The following NXPE4 variants were observed in gnomAD, a reference collection of about 807,000 sequenced individuals.
NXPE4 encodes NXPE family member 4.
NXPE4 carries 42 observed loss-of-function variants against 33.3 expected under a neutral mutation model. The ratio of observed to expected loss-of-function variants is 1.26; its 90% CI spans 0.98 to 1.63. The LOEUF is 1.63. Ranked by LOEUF, NXPE4 falls within the 40% of genes most tolerant of loss-of-function variation. The pLI is 0.00. For synonymous variants in NXPE4, 253 were observed against 234.9 expected (o/e 1.08, Z -0.71); for missense variants, 709 against 647.6 (o/e 1.09, Z -1.03).
the NXPE4 span, among the ~76,000 whole-genome samples, chr11:114,613,388 T>G: frequency 1.3e-5 from 2 of 151,680 alleles, no homozygotes; most frequent in Non-Finnish European, 2.9e-5. Context: ...AAATAAGTGT[T>G]GCCTCGTGGG....
At chr11:114,622,970 T>C in the NXPE4 span, among the ~76,000 whole-genome samples, 1 of 152,058 alleles carries the variant, frequency 6.6e-6, no homozygotes, top group Non-Finnish European at 1.5e-5. Context: ...GTAATATGTA[T>C]TGCCTCGTAG....
In NXPE4 at chr11:114,570,737, T is replaced by G. The variant is rs973448860; in HGVS notation, c.*201A>C. 17 of 476,224 alleles carry G rather than the reference T, an allele frequency of 3.6e-5. No homozygotes were observed. Among genetic ancestry groups the G allele is most frequent in the Non-Finnish European group, 5.1e-5 (14 of 272,256 alleles). The allele number at this position is 476,224 out of a possible 1,614,324, so 29.5% of individuals were successfully genotyped here. On this transcript the variant is annotated 3_prime_UTR_variant, in exon 6 of 6. Transcript: ENST00000375478. ...AAGAAGGGTAGGCTCTTTTCATGAG[T>G]ATTTTTAGTTTTATTTTTAAGTGGA... is the stretch of plus-strand genomic sequence containing the variant.
At chr11:114,662,155 T>G in the NXPE4 span, among the ~76,000 whole-genome samples, 3 of 152,148 alleles carry the variant, frequency 2.0e-5, no homozygotes, top group Non-Finnish European at 4.4e-5. Flanking sequence ...AAAGCAATCT[T>G]GAATTGCCAA....
the NXPE4 span, among the ~76,000 whole-genome samples, chr11:114,665,032 C>A: frequency 2.0e-5 from 3 of 152,244 alleles, no homozygotes; most frequent in South Asian, 6.2e-4. Context: ...TGGAACATAA[C>A]CCCATGTAAG....
chr11:114,637,444 G>C, the NXPE4 span, among the ~76,000 whole-genome samples: 2 of 151,784 alleles, frequency 1.3e-5, no homozygotes, highest in African/African-American at 4.8e-5. Flanking sequence ...CTTTTAATTG[G>C]AGCATTTAGT....
the NXPE4 span, among the ~76,000 whole-genome samples, chr11:114,618,634 T>C: frequency 6.6e-6 from 1 of 152,026 alleles, no homozygotes; most frequent in Non-Finnish European, 1.5e-5. Context: ...GAGTAACCAC[T>C]GTTCCCCGGT....
the NXPE4 span, among the ~76,000 whole-genome samples, chr11:114,637,809 TG>T: frequency 6.6e-6 from 1 of 152,074 alleles, no homozygotes; most frequent in Non-Finnish European, 1.5e-5. Context: ...TCTTCTGGCT[TG>T]TAGAGTTTCT....
At chr11:114,592,656 T>C (rs1243008877) in intron 2 of NXPE4, among the ~76,000 whole-genome samples, 1 of 152,038 alleles carries the variant, frequency 6.6e-6, no homozygotes, top group Admixed American at 6.6e-5. Context: ...CCAATAATAT[T>C]CTTCATCGAA....
chr11:114,603,571 C>T, the NXPE4 span, among the ~76,000 whole-genome samples: 20 of 150,696 alleles, frequency 1.3e-4, no homozygotes, highest in African/African-American at 4.6e-4. Context: ...AGTATTGCCT[C>T]GTCTCCTAGG....
the NXPE4 span, among the ~76,000 whole-genome samples, chr11:114,627,485 C>G: frequency 6.6e-6 from 1 of 150,706 alleles, no homozygotes; most frequent in Non-Finnish European, 1.5e-5. Flanking sequence ...ATTTTGTCAC[C>G]ACCAGGTCTG....
At chr11:114,604,781 A>G in the NXPE4 span, among the ~76,000 whole-genome samples, 1 of 152,046 alleles carries the variant, frequency 6.6e-6, no homozygotes, top group Non-Finnish European at 1.5e-5. Flanking sequence ...TACCCAGTGG[A>G]TAATAAGTGT....
the NXPE4 span, among the ~76,000 whole-genome samples, chr11:114,637,347 C>T: frequency 1.3e-5 from 2 of 151,884 alleles, no homozygotes; most frequent in East Asian, 3.9e-4. Flanking sequence ...TATTTTGAGC[C>T]CATGTGTGTC....
At chr11:114,608,872 C>T in the NXPE4 span, among the ~76,000 whole-genome samples, 59 of 143,466 alleles carry the variant, frequency 4.1e-4, no homozygotes, top group South Asian at 5.6e-3. Flanking sequence ...CACTCTTACC[C>T]GGTGGATACC....
the NXPE4 span, among the ~76,000 whole-genome samples, chr11:114,631,462 G>A: frequency 7.1e-6 from 1 of 140,496 alleles, no homozygotes; most frequent in African/African-American, 2.7e-5. Context: ...TCATAGGTGG[G>A]AACTGAAAAA....
At chr11:114,633,922 T>A in the NXPE4 span, among the ~76,000 whole-genome samples, 11 of 152,160 alleles carry the variant, frequency 7.2e-5, no homozygotes, top group Non-Finnish European at 1.6e-4. Flanking sequence ...ACAATAAACA[T>A]ATGTGTGCAT....
intron 5 of NXPE4, among the ~76,000 whole-genome samples, chr11:114,576,112 G>A (rs911101947): frequency 4.6e-5 from 7 of 151,940 alleles, no homozygotes; most frequent in African/African-American, 1.4e-4. Context: ...AGAACACCCT[G>A]TTCAACAAAT....
At chr11:114,642,122 A>G in the NXPE4 span, among the ~76,000 whole-genome samples, 1 of 152,044 alleles carries the variant, frequency 6.6e-6, no homozygotes, top group Non-Finnish European at 1.5e-5. Context: ...TACCTCAGCT[A>G]GATGATCAAG....
the NXPE4 span, among the ~76,000 whole-genome samples, chr11:114,624,309 G>C: frequency 6.6e-6 from 1 of 152,022 alleles, no homozygotes; most frequent in East Asian, 1.9e-4. Flanking sequence ...TGGATAATAA[G>C]TGTTGCCTCA....
At chr11:114,645,725 T>C in the NXPE4 span, among the ~76,000 whole-genome samples, 2 of 152,120 alleles carry the variant, frequency 1.3e-5, no homozygotes, top group African/African-American at 4.8e-5. Context: ...AAAGAATTCA[T>C]ATAAAGTGAT....
Sources: gnomAD v4.1 joint callset for allele counts (sites outside exome capture counted in the v4.1 genomes callset) on GRCh38, gnomAD v4.1.1 for gene constraint, MANE v1.5 for transcripts, NCBI Gene and HGNC (gene_info 2026-07-23, HGNC 2026-07-21) for gene names.